The following CLCN3 variants were observed in gnomAD, a reference collection of about 807,000 sequenced individuals.
CLCN3 encodes the protein H(+)/Cl(-) exchange transporter 3.
Under a neutral mutation model 83.4 loss-of-function variants are expected in CLCN3, and 16 were observed. That is an observed-to-expected ratio of 0.19 (90% CI 0.13 to 0.29). The LOEUF is 0.29. CLCN3 is among the 10% of genes least tolerant of loss of function. The pLI is 1.00. For missense variants in CLCN3, 544 were observed against 1,006.0 expected (o/e 0.54, Z 6.21); for synonymous variants, 322 against 346.2 (o/e 0.93, Z 0.78).
chr4:169,690,137 C>CTTTTTTTTTT lies in CLCN3; in HGVS notation c.607-383_607-374dup, dbSNP rs397769904. Among the ~76,000 whole-genome samples, 615 of 110,106 alleles carry CTTTTTTTTTT rather than the reference C, an allele frequency of 5.6e-3. 3 individuals are homozygous for CTTTTTTTTTT. The highest frequency in any genetic ancestry group is 7.7e-3 in the East Asian group (30 of 3,906). 72.2% of individuals were successfully genotyped at this position (110,106 alleles called of 152,430 possible). A position where few individuals can be genotyped will look rare whatever the true frequency, so the allele number is the denominator to read the frequency against. On this transcript the variant is annotated intron_variant, in intron 5 of 12. Coordinates refer to ENST00000513761, the MANE Select transcript of CLCN3 (RefSeq NM_001829.4). ...CATTTTACTGAAGTTTCTTTTCTTTCTTTTTTTTTTTTTTTTTTTGGCCGG... is the reference window on the plus strand; with the variant it reads ...CATTTTACTGAAGTTTCTTTTCTTTCTTTTTTTTTTTTTTTTTTTTTTTTTTTTTGGCCGG...
In CLCN3 at chr4:169,697,602, C is replaced by T; in HGVS notation, c.1431C>T (p.Asp477=). 6.2e-7 allele frequency: 1 copy of T among 1,614,178 alleles called. No individual in the cohort carries two copies. The highest frequency in any genetic ancestry group is 8.5e-7 in the Non-Finnish European group (1 of 1,180,020). ...CTTCTCTTTGTGACTACAGAAATGA[C>T]ATGAATGCCAGTAAAATTGTCGATG... ...ESSSLCDYRN[D]MNASKIVDDI... Residue 477 remains aspartate, a synonymous_variant, in exon 9 of 13, where the codon GAC becomes GAT. Transcript: ENST00000513761.
At chr4:169,698,053 C>T (rs182278518) in intron 9 of CLCN3, among the ~76,000 whole-genome samples, 61 of 152,156 alleles carry the variant, frequency 4.0e-4, no homozygotes, top group Admixed American at 3.7e-3. Flanking sequence ...TTAGACATGG[C>T]GAGGGCTAAT....
At chr4:169,703,943 T>C (rs1732891070) in intron 9 of CLCN3, 55 bp from the exon 10 acceptor site, 2 of 1,513,890 alleles carry the variant, frequency 1.3e-6, no homozygotes, top group African/African-American at 2.7e-5. Context: ...AATGTAAGTT[T>C]CAGGCATGTG....
At chr4:169,656,759 G>C (rs1265451095) in intron 2 of CLCN3, among the ~76,000 whole-genome samples, 1 of 152,060 alleles carries the variant, frequency 6.6e-6, no homozygotes, top group Non-Finnish European at 1.5e-5. Context: ...AACGTTGTAA[G>C]ACCTATCTCT....
chr4:169,621,428 G>T (rs1773109848), intron 1 of CLCN3, among the ~76,000 whole-genome samples: 1 of 152,086 alleles, frequency 6.6e-6, no homozygotes, highest in Non-Finnish European at 1.5e-5. Context: ...AATATTTTTT[G>T]TGTATATATA....
In CLCN3 at chr4:169,721,055, A is replaced by G. The variant is rs1733623313; in HGVS notation, c.*1058A>G. The G allele has an allele frequency of 6.6e-6, 1 of 152,414 alleles. No homozygotes were observed. The highest frequency in any genetic ancestry group is 6.5e-5 in the Admixed American group (1 of 15,290). The allele number at this position is 152,414 out of a possible 1,614,324, so 9.4% of individuals were successfully genotyped here. A position where few individuals can be genotyped will look rare whatever the true frequency, so the allele number is the denominator to read the frequency against. Reference sequence around the variant, plus strand: ...CATGTTAAAACACTGGAATTTTTAAAATTGAAATTAGATCAGTCATTCTTT... The same window carrying G: ...CATGTTAAAACACTGGAATTTTTAAGATTGAAATTAGATCAGTCATTCTTT... On this transcript the variant is annotated 3_prime_UTR_variant, in exon 13 of 13. Transcript: ENST00000513761.
intron 12 of CLCN3, chr4:169,717,759 T>A (rs1489788320): frequency 5.1e-6 from 7 of 1,373,146 alleles, no homozygotes; most frequent in Non-Finnish European, 7.2e-6. Flanking sequence ...ATTTAATTTC[T>A]CACACAGTTA....
At chr4:169,689,947 A>G (rs924306576) in intron 5 of CLCN3, among the ~76,000 whole-genome samples, 1 of 152,114 alleles carries the variant, frequency 6.6e-6, no homozygotes, top group Non-Finnish European at 1.5e-5. Flanking sequence ...CAGAGATTGA[A>G]GTATAGCTGA....
chr4:169,712,823 C>A (rs535196415), intron 11 of CLCN3, among the ~76,000 whole-genome samples: 1 of 152,124 alleles, frequency 6.6e-6, no homozygotes, highest in Non-Finnish European at 1.5e-5. Flanking sequence ...GAAAATTGTA[C>A]GATGATATAA....
In CLCN3 at chr4:169,713,019, A is replaced by T. The variant is rs751342471; in HGVS notation, c.2150-60A>T. On this transcript the variant is annotated intron_variant, in intron 11 of 12. Transcript: ENST00000513761. ...TAATTTTTTTTATCTCTGAATAAAC[A>T]GGTTGCCTACTTAAAAATCTATCAG... The T allele has an allele frequency of 3.7e-5, 45 of 1,210,050 alleles. No homozygotes were observed. The Admixed American group carries it at 5.3e-4, about 14-fold the overall frequency. 75.0% of individuals were successfully genotyped at this position (1,210,050 alleles called of 1,614,324 possible).
At chr4:169,718,673 G>A (rs555014870) in intron 12 of CLCN3, among the ~76,000 whole-genome samples, 69 of 152,200 alleles carry the variant, frequency 4.5e-4, no homozygotes, top group East Asian at 1.5e-3. Context: ...ATTAATGCCC[G>A]AAATTATTTT....
intron 9 of CLCN3, among the ~76,000 whole-genome samples, chr4:169,698,058 G>A (rs1732635853): frequency 6.6e-6 from 1 of 152,110 alleles, no homozygotes; most frequent in Non-Finnish European, 1.5e-5. Context: ...CATGGCGAGG[G>A]CTAATCATCT....
chr4:169,700,654 T>A (rs1410601004), intron 9 of CLCN3, among the ~76,000 whole-genome samples: 1 of 152,162 alleles, frequency 6.6e-6, no homozygotes, highest in Non-Finnish European at 1.5e-5. Context: ...TTTTTCTCTT[T>A]TTAATTGATT....
intron 4 of CLCN3, 117 bp from the exon 5 acceptor site, chr4:169,688,926 T>C: frequency 1.4e-6 from 1 of 734,858 alleles, no homozygotes; most frequent in Non-Finnish European, 2.2e-6. Flanking sequence ...TATATGTAGT[T>C]CATAAATGAC....
chr4:169,643,152 T>C (rs1193862899), intron 2 of CLCN3: 1 of 152,220 alleles, frequency 6.6e-6, no homozygotes, highest in Non-Finnish European at 1.5e-5. Context: ...TAAGACTGAA[T>C]AGAAGCCACC....
At chr4:169,663,009 C>G (rs1731108688) in intron 2 of CLCN3, 1 of 151,966 alleles carries the variant, frequency 6.6e-6, no homozygotes, top group South Asian at 2.1e-4. Flanking sequence ...AAATTTCTTT[C>G]TTCTACCAAC....
intron 3 of CLCN3, among the ~76,000 whole-genome samples, chr4:169,685,778 A>G (rs1057357713): frequency 4.7e-5 from 7 of 150,368 alleles, no homozygotes; most frequent in Admixed American, 4.6e-4. Flanking sequence ...ACGGCTTAAT[A>G]TTATCATGTT....
At chr4:169,680,935 G>A (rs1441173404) in intron 3 of CLCN3, among the ~76,000 whole-genome samples, 2 of 152,142 alleles carry the variant, frequency 1.3e-5, no homozygotes, top group African/African-American at 4.8e-5. Context: ...TGCACCCTCC[G>A]CCTCCTGGAT....
At chr4:169,711,731 ATAGT>A (rs1259278933) in intron 11 of CLCN3, among the ~76,000 whole-genome samples, 2 of 152,252 alleles carry the variant, frequency 1.3e-5, no homozygotes, top group African/African-American at 2.4e-5. Context: ...GTGTTAGAAC[ATAGT>A]TAAGAAGGCT....
Sources: gnomAD v4.1 joint callset for allele counts (sites outside exome capture counted in the v4.1 genomes callset) on GRCh38, gnomAD v4.1.1 for gene constraint, MANE v1.5 for transcripts, NCBI Gene and HGNC (gene_info 2026-07-23, HGNC 2026-07-21) for gene names.